The following KIAA1549 variants were observed in gnomAD, a reference collection of about 807,000 sequenced individuals.
KIAA1549 encodes KIAA1549, also known as UPF0606 protein KIAA1549.
In KIAA1549, 70 loss-of-function variants were observed where a neutral mutation model predicts 156.4. The observed-to-expected ratio is 0.45, with a 90% CI of 0.37 to 0.55. The LOEUF is 0.55. Ranked by LOEUF, KIAA1549 falls within the 20% of genes least tolerant of loss-of-function variation. The pLI is 0.00. For synonymous variants in KIAA1549, 1,103 were observed against 1,066.4 expected (o/e 1.03, Z -0.67); for missense variants, 2,428 against 2,540.9 (o/e 0.96, Z 0.96).
intron 8 of KIAA1549, among the ~76,000 whole-genome samples, chr7:138,901,771 T>C (rs1251366464): frequency 6.6e-6 from 1 of 152,254 alleles, no homozygotes; most frequent in African/African-American, 2.4e-5. Flanking sequence ...TTTTACAAAT[T>C]AAGTTTTGAT....
At chr7:138,845,164 T>C (rs1333715022) in intron 17 of KIAA1549, among the ~76,000 whole-genome samples, 1 of 152,188 alleles carries the variant, frequency 6.6e-6, no homozygotes, top group Non-Finnish European at 1.5e-5. Context: ...AGTAAGTATT[T>C]ATTTTAAAAA....
In KIAA1549 at chr7:138,836,858, G is replaced by A. The variant is rs1386803773; in HGVS notation, c.*1048C>T. The A allele has an allele frequency of 4.4e-6, 1 of 225,970 alleles. No homozygotes were observed. Among genetic ancestry groups the A allele is most frequent in the Non-Finnish European group, 8.8e-6 (1 of 113,662 alleles). The allele number at this position is 225,970 out of a possible 1,614,324, so 14.0% of individuals were successfully genotyped here. A position where few individuals can be genotyped will look rare whatever the true frequency, so the allele number is the denominator to read the frequency against. ...TTCATTTCCAGGCTCTGAACACAGG[G>A]AATGTGACTGGTAGGGATGTATGTA... On this transcript the variant is annotated 3_prime_UTR_variant, in exon 20 of 20. Transcript: ENST00000422774.
rs369306102 is a variant in KIAA1549, at chr7:138,869,346, G to A, written c.4775+192C>T. Among the ~76,000 whole-genome samples the A allele has an allele frequency of 2.6e-3, 393 of 152,366 alleles. 2 individuals are homozygous for A. The highest frequency in any genetic ancestry group is 4.6e-3 in the Non-Finnish European group (313 of 68,032). Reference sequence around the variant, plus strand: ...CTAAGGTGACCCTCAGCCAGGGTAAGCCTTCCGAGTGGCCTCCACATCCTT... The same window carrying A: ...CTAAGGTGACCCTCAGCCAGGGTAAACCTTCCGAGTGGCCTCCACATCCTT... On this transcript the variant is annotated intron_variant, in intron 14 of 19. Coordinates refer to ENST00000422774, the MANE Select transcript of KIAA1549 (RefSeq NM_001164665.2).
intron 1 of KIAA1549, among the ~76,000 whole-genome samples, chr7:138,929,686 TTTTTG>T (rs1264488223): frequency 2.0e-5 from 3 of 152,274 alleles, no homozygotes; most frequent in South Asian, 2.1e-4. Context: ...TTCTTTTATC[TTTTTG>T]TTTTGTTTTG....
At chr7:138,904,993 TC>T in intron 7 of KIAA1549, 28 bp downstream of exon 7, 1 of 1,444,628 alleles carries the variant, frequency 6.9e-7, no homozygotes, top group Non-Finnish European at 9.5e-7. Context: ...TCCTTACAGT[TC>T]CCAAAATATT....
chr7:138,920,173 C>G (rs1287008958), intron 1 of KIAA1549, among the ~76,000 whole-genome samples: 3 of 146,892 alleles, frequency 2.0e-5, no homozygotes, highest in Non-Finnish European at 4.5e-5. Context: ...ATGCCCTTCC[C>G]AGCTCTCTAC....
In KIAA1549 at chr7:138,944,601, C is replaced by T. The variant is rs558247207; in HGVS notation, c.188-25163G>A. Among the ~76,000 whole-genome samples the T allele has an allele frequency of 7.9e-5, 12 of 151,926 alleles. No individual in the cohort carries two copies. In the South Asian group the frequency reaches 1.0e-3, roughly 13 times the overall value. On this transcript the variant is annotated intron_variant, in intron 1 of 19. Coordinates refer to ENST00000422774, the MANE Select transcript of KIAA1549 (RefSeq NM_001164665.2). ...GTTCAAACCAAAACTTCTGCTTGAA[C>T]GCAGCATTATTCACAAAAGCCAACA...
intron 1 of KIAA1549, among the ~76,000 whole-genome samples, chr7:138,965,377 G>A (rs1813989093): frequency 6.6e-6 from 1 of 152,174 alleles, no homozygotes; most frequent in African/African-American, 2.4e-5. Flanking sequence ...TTTTTGTAGA[G>A]ATGGGGTTTT....
At chr7:138,873,414 C>A (rs1810991993) in intron 12 of KIAA1549, among the ~76,000 whole-genome samples, 1 of 152,138 alleles carries the variant, frequency 6.6e-6, no homozygotes, top group African/African-American at 2.4e-5. Flanking sequence ...AAGTTGCAGG[C>A]ATAATGCCTA....
chr7:138,842,536 A>T (rs1030950477), intron 18 of KIAA1549, among the ~76,000 whole-genome samples: 3 of 152,142 alleles, frequency 2.0e-5, no homozygotes, highest in African/African-American at 7.2e-5. Flanking sequence ...AAAATACAAA[A>T]ATTAGCCGGA....
chr7:138,905,093 AAAG>A lies in KIAA1549; in HGVS notation c.3461-15_3461-13del. On this transcript the variant is annotated splice_polypyrimidine_tract_variant and intron_variant, in intron 6 of 19. Coordinates refer to ENST00000422774, the MANE Select transcript of KIAA1549 (RefSeq NM_001164665.2). ...TGGATACTGGAAGGCTACAAAAGGGAAAGAATTAGGGAAGGAGAAAAATATCTG... is the reference window on the plus strand; with the variant it reads ...TGGATACTGGAAGGCTACAAAAGGGAAATTAGGGAAGGAGAAAAATATCTG... 1 of 1,555,352 alleles carries A rather than the reference AAAG, an allele frequency of 6.4e-7. No individual in the cohort carries two copies. Among genetic ancestry groups the A allele is most frequent in the Non-Finnish European group, 8.7e-7 (1 of 1,144,538 alleles).
At chr7:138,865,798 C>T (rs965239339) in intron 15 of KIAA1549, among the ~76,000 whole-genome samples, 1 of 152,194 alleles carries the variant, frequency 6.6e-6, no homozygotes, top group Non-Finnish European at 1.5e-5. Context: ...CAGGAGAAGA[C>T]AGGTTCCTCC....
intron 15 of KIAA1549, among the ~76,000 whole-genome samples, chr7:138,864,984 T>C (rs1009683041): frequency 1.3e-5 from 2 of 152,162 alleles, no homozygotes; most frequent in East Asian, 1.9e-4. Flanking sequence ...ATCCCAGAAA[T>C]GTGGGAGGCC....
Position 138,909,129 on chromosome 7 carries a change from G to C in KIAA1549, c.3146-8C>G. ...GAGGCACAAACTGAAGTACTGAAAA[G>C]AAAAGCAATCAAAGTCCCATAAATG... On this transcript the variant is annotated splice_region_variant and splice_polypyrimidine_tract_variant and intron_variant, in intron 4 of 19. Coordinates refer to ENST00000422774, the MANE Select transcript of KIAA1549 (RefSeq NM_001164665.2). 2 of 1,610,328 alleles carry C rather than the reference G, an allele frequency of 1.2e-6. No individual in the cohort carries two copies. The highest frequency in any genetic ancestry group is 1.3e-5 in the African/African-American group (1 of 75,002).
intron 1 of KIAA1549, among the ~76,000 whole-genome samples, chr7:138,955,850 G>C (rs1813646654): frequency 6.6e-6 from 1 of 152,138 alleles, no homozygotes; most frequent in African/African-American, 2.4e-5. Flanking sequence ...TCCCAACAGA[G>C]AGGGAATCAA....
chr7:138,919,231 G>T lies in KIAA1549; in HGVS notation c.395C>A (p.Thr132Lys). ...FFNQGKQTKSTADPSIFVATY... is the reference protein window; with the variant it reads ...FFNQGKQTKSKADPSIFVATY... ...TGCCACAAAGATGCTGGGATCTGCT[G>T]TACTTTTGGTCTGTTTTCCTTGGTT... Residue 132 changes from threonine (T) to lysine (K), a missense_variant, in exon 2 of 20, where the codon ACA (threonine) becomes AAA (lysine). Thr to Lys is a moderately conservative substitution (Grantham distance 78, BLOSUM62 -1). Around this residue, in one of 5 missense-constraint regions of KIAA1549, gnomAD observed 893 missense variants for 847.9 expected, o/e 1.05. Coordinates refer to ENST00000422774, the MANE Select transcript of KIAA1549 (RefSeq NM_001164665.2). The T allele has an allele frequency of 2.5e-6, 4 of 1,614,024 alleles. No homozygotes were observed. Among genetic ancestry groups the T allele is most frequent in the Middle Eastern group, 1.6e-4 (1 of 6,062 alleles).
chr7:138,888,631 A>AACT (rs1811464901), intron 10 of KIAA1549, among the ~76,000 whole-genome samples: 1 of 152,238 alleles, frequency 6.6e-6, no homozygotes, highest in African/African-American at 2.4e-5. Context: ...ACAAAGATTC[A>AACT]ACTGCTCTCT....
chr7:138,851,395 T>C (rs959553188), intron 17 of KIAA1549, among the ~76,000 whole-genome samples: 6 of 152,204 alleles, frequency 3.9e-5, no homozygotes, highest in African/African-American at 1.4e-4. Flanking sequence ...AGTAGCACTT[T>C]TACATCTTCC....
rs925564566 is a variant in KIAA1549, at chr7:138,902,755, G to A, written c.3669+833C>T. ...ACCTGGGAGGCAGATGTTGTAGTGA[G>A]CTGAGATCATGCCACTGCAGTCCAG... On this transcript the variant is annotated intron_variant, in intron 8 of 19. Transcript: ENST00000422774. Among the ~76,000 whole-genome samples the A allele has an allele frequency of 2.6e-5, 4 of 152,062 alleles. No homozygotes were observed. The East Asian group carries it at 7.7e-4, about 29-fold the overall frequency.
Sources: allele counts gnomAD v4.1 joint callset (sites outside exome capture counted in the v4.1 genomes callset), GRCh38; gene constraint gnomAD v4.1.1; regional missense constraint gnomAD v4.1.1; transcripts MANE v1.5; gene names NCBI Gene and HGNC (gene_info 2026-07-23, HGNC 2026-07-21).